CDH13: variants seen among roughly 807,000 people sequenced by gnomAD.
CDH13 encodes the protein cadherin-13.
Under a neutral mutation model 63.8 loss-of-function variants are expected in CDH13, and 24 were observed. That is an observed-to-expected ratio of 0.38 (90% CI 0.27 to 0.53). The LOEUF (loss-of-function observed/expected upper bound fraction) is 0.53. CDH13 is among the 20% of genes least tolerant of loss of function. The pLI is 0.85. For missense variants in CDH13, 1,049 were observed against 903.1 expected (o/e 1.16, Z -2.07); for synonymous variants, 503 against 355.3 (o/e 1.42, Z -4.67).
intron 5 of CDH13, among the ~76,000 whole-genome samples, chr16:83,341,994 CACACA>C (rs1567604441): frequency 9.5e-5 from 12 of 126,542 alleles, no homozygotes; most frequent in South Asian, 2.5e-4. Flanking sequence ...CCCTGCCACA[CACACA>C]CACACACACA....
chr16:82,725,039 G>C (rs1242968568), intron 1 of CDH13, among the ~76,000 whole-genome samples: 2 of 152,140 alleles, frequency 1.3e-5, no homozygotes, highest in African/African-American at 2.4e-5. Flanking sequence ...CTAAGTTCTT[G>C]ATAAATATTA....
intron 3 of CDH13, among the ~76,000 whole-genome samples, chr16:83,055,878 G>A (rs2030874970): frequency 1.3e-5 from 2 of 152,076 alleles, no homozygotes. Flanking sequence ...GTAAAAACCT[G>A]TGCTCATCAA....
intron 1 of CDH13, among the ~76,000 whole-genome samples, chr16:82,641,717 C>A (rs1329297339): frequency 6.6e-6 from 1 of 152,232 alleles, no homozygotes; most frequent in Non-Finnish European, 1.5e-5. Flanking sequence ...CGCATTCAGT[C>A]ATTTATCAAC....
At position 82,644,735 on chromosome 16, in the gene CDH13, G is replaced by T. The variant is rs180866612; in HGVS notation, c.45+17598G>T. Among the ~76,000 whole-genome samples, 352 of 152,224 alleles carry T rather than the reference G, an allele frequency of 2.3e-3. 3 individuals carry two copies. Among genetic ancestry groups the T allele is most frequent in the African/African-American group, 8.2e-3 (342 of 41,530 alleles). On this transcript the variant is annotated intron_variant, in intron 1 of 13. Transcript: ENST00000567109. This position sits in a 1 kb window ranked among gnomAD's most constrained non-coding sequence, Gnocchi z 5.7. Reference sequence around the variant, plus strand: ...GCCAGCTCCCAGGTGACAGGAGTCCGCTGGGCTCCCTCTGATTCTTAAAGC... The same window carrying T: ...GCCAGCTCCCAGGTGACAGGAGTCCTCTGGGCTCCCTCTGATTCTTAAAGC...
At chr16:83,572,788 C>G (rs932611390) in intron 7 of CDH13, among the ~76,000 whole-genome samples, 4 of 152,206 alleles carry the variant, frequency 2.6e-5, no homozygotes, top group African/African-American at 4.8e-5. Context: ...TCCATCATTT[C>G]TCCTATAAAT....
rs186603700 is a variant in CDH13, at chr16:83,495,015, C to T, written c.960+8360C>T. ...TTTTTTAAAGGGCCAAATAGTAAAT[C>T]GTATAGACTTTCTTGGCCAACAGGC... On this transcript the variant is annotated intron_variant, in intron 7 of 13. Coordinates refer to ENST00000567109, the MANE Select transcript of CDH13 (RefSeq NM_001257.5). Among the ~76,000 whole-genome samples the T allele has an allele frequency of 2.9e-3, 445 of 152,074 alleles. 2 individuals are homozygous for T. The highest frequency in any genetic ancestry group is 0.01 in the African/African-American group (435 of 41,480).
chr16:83,166,279 T>G (rs1187067187), intron 4 of CDH13, among the ~76,000 whole-genome samples: 15 of 152,112 alleles, frequency 9.9e-5, no homozygotes, highest in Non-Finnish European at 2.2e-4. Flanking sequence ...CTGACTATTT[T>G]ATGTAAATCT....
intron 10 of CDH13, among the ~76,000 whole-genome samples, chr16:83,715,553 T>A (rs1908765803): frequency 6.6e-6 from 1 of 152,244 alleles, no homozygotes; most frequent in African/African-American, 2.4e-5. Context: ...CTATCCTGTG[T>A]CTTAAATGGT....
chr16:83,736,723 C>G (rs1336458508), intron 10 of CDH13, among the ~76,000 whole-genome samples: 4 of 152,212 alleles, frequency 2.6e-5, no homozygotes, highest in Non-Finnish European at 4.4e-5. Context: ...GCAAAATGGA[C>G]TAGCAAGCCC....
intron 1 of CDH13, among the ~76,000 whole-genome samples, chr16:82,816,009 G>A (rs985899257): frequency 1.3e-5 from 2 of 152,272 alleles, no homozygotes; most frequent in Admixed American, 6.5e-5. Flanking sequence ...GTGACAGTAG[G>A]TAGACTGCTG....
chr16:82,788,560 A>G (rs140137500), intron 1 of CDH13, among the ~76,000 whole-genome samples: 91 of 152,338 alleles, frequency 6.0e-4, no homozygotes, highest in Middle Eastern at 3.4e-3. Flanking sequence ...TATTAACCGG[A>G]GGAACACTTA....
chr16:83,137,392 G>T (rs145661170), intron 4 of CDH13, among the ~76,000 whole-genome samples: 1 of 152,346 alleles, frequency 6.6e-6, no homozygotes, highest in African/African-American at 2.4e-5. Context: ...AATTCTCTGT[G>T]AAGTGAGGAG....
intron 1 of CDH13, among the ~76,000 whole-genome samples, chr16:82,849,172 T>G (rs112094120): frequency 1.3e-5 from 2 of 152,312 alleles, no homozygotes; most frequent in Non-Finnish European, 2.9e-5. Context: ...GGTTAGTGTG[T>G]GACATTTAAG....
chr16:82,668,153 A>C (rs138983675), intron 1 of CDH13, among the ~76,000 whole-genome samples: 5 of 152,260 alleles, frequency 3.3e-5, no homozygotes, highest in African/African-American at 1.2e-4. Context: ...TGCAGGAGGC[A>C]GCATACAGAC....
At chr16:83,365,461 C>A (rs1446730920) in intron 6 of CDH13, among the ~76,000 whole-genome samples, 1 of 152,146 alleles carries the variant, frequency 6.6e-6, no homozygotes, top group Admixed American at 6.5e-5. Context: ...ACCTGGTTAC[C>A]CCATGGTCAG....
At chr16:83,207,136 G>T (rs1252426668) in intron 4 of CDH13, among the ~76,000 whole-genome samples, 1 of 152,160 alleles carries the variant, frequency 6.6e-6, no homozygotes, top group Non-Finnish European at 1.5e-5. Context: ...GTACATGGCA[G>T]TGGCATTAAG....
At chr16:82,842,804 G>A (rs960742272) in intron 1 of CDH13, among the ~76,000 whole-genome samples, 9 of 152,148 alleles carry the variant, frequency 5.9e-5, no homozygotes, top group African/African-American at 2.2e-4. Context: ...CAACTAGACA[G>A]TCTCATCTAG....
At chr16:83,734,882 A>G (rs1044035458) in intron 10 of CDH13, among the ~76,000 whole-genome samples, 5 of 151,932 alleles carry the variant, frequency 3.3e-5, no homozygotes, top group African/African-American at 1.2e-4. Context: ...GGTAAGTTTC[A>G]GCTCCTTGAT....
At chr16:83,488,088 G>A (rs1392680252) in intron 7 of CDH13, among the ~76,000 whole-genome samples, 1 of 152,182 alleles carries the variant, frequency 6.6e-6, no homozygotes, top group African/African-American at 2.4e-5. Flanking sequence ...GTCACATGGG[G>A]TTATTGCAAT....
Sources: allele counts gnomAD v4.1 joint callset (sites outside exome capture counted in the v4.1 genomes callset), GRCh38; gene constraint gnomAD v4.1.1; non-coding constraint Gnocchi (gnomAD v3.1); transcripts MANE v1.5; gene names NCBI Gene and HGNC (gene_info 2026-07-23, HGNC 2026-07-21).